Variants in CC2D2A observed in about 807,000 individuals in gnomAD.
CC2D2A encodes the protein coiled-coil and C2 domain-containing protein 2A.
A neutral mutation model predicts 212.9 loss-of-function variants in CC2D2A; 155 were observed. That is an observed-to-expected ratio of 0.73 (90% CI 0.64 to 0.83). The LOEUF is 0.83. CC2D2A is among the 40% of genes least tolerant of loss of function. The pLI is 0.00. For missense variants in CC2D2A, 1,856 were observed against 1,956.2 expected, an observed-to-expected ratio of 0.95 and a Z score of 0.97; for synonymous variants, 667 against 686.5, an observed-to-expected ratio of 0.97 and a Z score of 0.44.
At chr4:15,523,884 A>G (rs1166856147) in intron 11 of CC2D2A, among the ~76,000 whole-genome samples, 1 of 152,232 alleles carries the variant, frequency 6.6e-6, no homozygotes, top group Admixed American at 6.5e-5. Flanking sequence ...CACAGTTCAC[A>G]TTATCAATAC....
intron 17 of CC2D2A, among the ~76,000 whole-genome samples, chr4:15,541,236 T>C (rs2109039314): frequency 6.6e-6 from 1 of 152,048 alleles, no homozygotes; most frequent in South Asian, 2.1e-4. Flanking sequence ...GGAGAATCTC[T>C]TGAACCCAGG....
rs745715017 is a variant in CC2D2A, at chr4:15,527,566, A to G, written c.1269A>G (p.Arg423=). The stretch of plus-strand genomic sequence containing the variant: ...TCACTCATCATCCCTGTTTTAGCCG[A>G]GAGCATGTTTTGGCAGCCAAGCTGG... ...LIFTHHPCFS[R]EHVLAAKLAQ... is the part of the protein sequence containing the mutation. Residue 423 remains arginine (R), a synonymous_variant, in exon 12 of 37, where the codon CGA becomes CGG. Transcript: ENST00000424120. The G allele has an allele frequency of 1.9e-6, 3 of 1,613,544 alleles. No homozygotes were observed. The highest frequency in any genetic ancestry group is 1.7e-6 in the Non-Finnish European group (2 of 1,179,684).
At chr4:15,570,076 T>C (rs1453360199) in intron 27 of CC2D2A, among the ~76,000 whole-genome samples, 1 of 152,172 alleles carries the variant, frequency 6.6e-6, no homozygotes, top group East Asian at 1.9e-4. Flanking sequence ...GAGAAGGAGC[T>C]AGTTTTTTTA....
At chr4:15,576,727 C>G (rs537137500) in intron 29 of CC2D2A, 1 of 152,654 alleles carries the variant, frequency 6.6e-6, no homozygotes, top group Non-Finnish European at 1.5e-5. Context: ...TATGTCCTAA[C>G]GTATGTGTAA....
intron 10 of CC2D2A, 136 bp from the exon 11 acceptor site, chr4:15,516,489 T>C: frequency 2.6e-6 from 2 of 767,530 alleles, no homozygotes; most frequent in East Asian, 2.8e-5. Flanking sequence ...AACAGAACTT[T>C]TACAGTTCTG....
Position 15,595,579 on chromosome 4 carries a change from A to C in CC2D2A, c.4315-506A>C, listed in dbSNP as rs536209833. ...ACCGAGGCATACAGAAGTTACATTA[A>C]TCATCCAAGGTCACACAAATAGTAA... On this transcript the variant is annotated intron_variant, in intron 33 of 36. Coordinates refer to ENST00000424120, the MANE Select transcript of CC2D2A (RefSeq NM_001378615.1). Among the ~76,000 whole-genome samples the C allele has an allele frequency of 1.1e-3, 172 of 152,340 alleles. 1 individual carries two copies. The highest frequency in any genetic ancestry group is 2.3e-3 in the Admixed American group (35 of 15,296).
At position 15,510,877 on chromosome 4, in the gene CC2D2A, A is replaced by G. The variant is rs1296159564; in HGVS notation, c.541-370A>G. Among the ~76,000 whole-genome samples, 3 of 152,356 alleles carry G rather than the reference A, an allele frequency of 2.0e-5. No homozygotes were observed. The East Asian group carries it at 5.8e-4, about 29-fold the overall frequency. The stretch of plus-strand genomic sequence containing the variant: ...AAAAGGTCATTTGTTTAAAAATTCT[A>G]TATTTCTCATAATACAACAAAACTA... On this transcript the variant is annotated intron_variant, in intron 7 of 36. Transcript: ENST00000424120.
Position 15,527,663 on chromosome 4 carries a change from G to T in CC2D2A, c.1359+7G>T. 1 of 1,588,058 alleles carries T rather than the reference G, an allele frequency of 6.3e-7. No individual in the cohort carries two copies. The highest frequency in any genetic ancestry group is 8.6e-7 in the Non-Finnish European group (1 of 1,164,552). On this transcript the variant is annotated splice_region_variant and intron_variant, in intron 12 of 36. Coordinates refer to ENST00000424120, the MANE Select transcript of CC2D2A (RefSeq NM_001378615.1). ...GAAATTTCTTACTGATAAGGTACAT[G>T]TGATTTCTTCCATAATGATTGTCAA...
In CC2D2A at chr4:15,506,509, T is replaced by A. The variant is rs911328727; in HGVS notation, c.438+3586T>A. Among the ~76,000 whole-genome samples the A allele has an allele frequency of 1.4e-4, 22 of 152,238 alleles. 1 individual carries two copies. The highest frequency in any genetic ancestry group is 1.2e-3 in the Admixed American group (18 of 15,282). ...TGCCTGGTCTTGTGTTTCATTATCATCATCTTCACAGATCTCTAAAGCCCA... is the reference window on the plus strand; with the variant it reads ...TGCCTGGTCTTGTGTTTCATTATCAACATCTTCACAGATCTCTAAAGCCCA... On this transcript the variant is annotated intron_variant, in intron 6 of 36. Coordinates refer to ENST00000424120, the MANE Select transcript of CC2D2A (RefSeq NM_001378615.1).
chr4:15,592,247 A>G (rs1484890293), intron 33 of CC2D2A, among the ~76,000 whole-genome samples: 2 of 152,106 alleles, frequency 1.3e-5, no homozygotes, highest in East Asian at 3.8e-4. Flanking sequence ...GGGGTCCAAC[A>G]ATTCTAAAAT....
chr4:15,558,499 T>A (rs1719402678), intron 21 of CC2D2A, among the ~76,000 whole-genome samples: 1 of 152,116 alleles, frequency 6.6e-6, no homozygotes, highest in South Asian at 2.1e-4. Flanking sequence ...TTCTTTGATG[T>A]GTTGGCATCA....
At chr4:15,592,901 C>G (rs1229105171) in intron 33 of CC2D2A, among the ~76,000 whole-genome samples, 1 of 152,178 alleles carries the variant, frequency 6.6e-6, no homozygotes, top group African/African-American at 2.4e-5. Context: ...CTATTTCTAT[C>G]AATATCACTT....
chr4:15,560,692 GTATCA>G lies in CC2D2A; in HGVS notation c.3014+74_3014+78del, dbSNP rs1009333431. The G allele has an allele frequency of 7.5e-5, 51 of 683,472 alleles. No individual in the cohort carries two copies. In the African/African-American group the frequency reaches 8.5e-4, roughly 11 times the overall value. The allele number at this position is 683,472 out of a possible 1,614,324, so 42.3% of individuals were successfully genotyped here. On this transcript the variant is annotated intron_variant, in intron 23 of 36. Coordinates refer to ENST00000424120, the MANE Select transcript of CC2D2A (RefSeq NM_001378615.1). ...TTATTTATACTCTATTATATGAAAG[GTATCA>G]TATAAGATTTTTAAAAATCATCGTA...
chr4:15,576,388 G>A, intron 29 of CC2D2A: 6 of 984,664 alleles, frequency 6.1e-6, no homozygotes, highest in Non-Finnish European at 7.2e-6. Context: ...GCAGATTAGA[G>A]TCTCTCCTCT....
intron 16 of CC2D2A, 66 bp from the exon 17 acceptor site, chr4:15,540,771 A>C: frequency 1.4e-6 from 2 of 1,414,554 alleles, no homozygotes; most frequent in East Asian, 2.5e-5. Context: ...GTTCTTATTT[A>C]TCATATATTT....
At chr4:15,541,621 T>C (rs879736404) in intron 17 of CC2D2A, among the ~76,000 whole-genome samples, 17 of 152,086 alleles carry the variant, frequency 1.1e-4, no homozygotes, top group Admixed American at 2.6e-4. Flanking sequence ...AGCTCATTCA[T>C]TGAAGACATA....
At chr4:15,542,975 G>C (rs1718536887) in intron 17 of CC2D2A, among the ~76,000 whole-genome samples, 2 of 152,254 alleles carry the variant, frequency 1.3e-5, no homozygotes, top group African/African-American at 4.8e-5. Flanking sequence ...TGAATGGAAA[G>C]AGAGGAAGCG....
intron 18 of CC2D2A, among the ~76,000 whole-genome samples, chr4:15,552,779 G>C (rs74481215): frequency 0.012 from 1,813 of 152,294 alleles, 15 homozygotes; most frequent in Admixed American, 0.021. Context: ...GCTCAAATAA[G>C]TACTTTGAAT....
At position 15,599,635 on chromosome 4, in the gene CC2D2A, GAA is replaced by G; in HGVS notation, c.4608_4609del (p.Gln1538ArgfsTer7). On this transcript the variant is annotated frameshift_variant, in exon 36 of 37. Coordinates refer to ENST00000424120, the MANE Select transcript of CC2D2A (RefSeq NM_001378615.1). LOFTEE classifies it high-confidence loss of function. ...STLRHFLPLLEKSQGEDVEDD... is the reference protein window; with the variant it reads ...STLRHFLPLLXKSQGEDVEDD... ...TCTGCGTCACTTCTTGCCTCTGTTA[GAA>G]AAAAGTCAAGGAGAAGATGTAGAAG... 6.2e-7 allele frequency: 1 copy of G among 1,613,568 alleles called. No homozygotes were observed. Among genetic ancestry groups the G allele is most frequent in the Non-Finnish European group, 8.5e-7 (1 of 1,179,580 alleles).
Sources: allele counts gnomAD v4.1 joint callset (sites outside exome capture counted in the v4.1 genomes callset), GRCh38; gene constraint gnomAD v4.1.1; transcripts MANE v1.5; gene names NCBI Gene and HGNC (gene_info 2026-07-23, HGNC 2026-07-21).